MNDA: variants seen among roughly 807,000 people sequenced by gnomAD.
The protein encoded by MNDA is epididymis secretory sperm binding protein.
Under a neutral mutation model 37.8 loss-of-function variants are expected in MNDA, and 43 were observed. The observed-to-expected ratio is 1.14, with a 90% CI of 0.89 to 1.47. The LOEUF (loss-of-function observed/expected upper bound fraction) is 1.47, where lower values mean the gene tolerates loss of function less well. MNDA is among the 40% of genes most tolerant of loss of function. The pLI is 0.00. For missense variants in MNDA, 536 were observed against 476.0 expected (o/e 1.13, Z -1.17); for synonymous variants, 181 against 169.0 (o/e 1.07, Z -0.55).
In MNDA at chr1:158,839,007, T is replaced by G. The variant is rs1658977201; in HGVS notation, c.-20-3127T>G. Among the ~76,000 whole-genome samples, 3 of 152,332 alleles carry G rather than the reference T, an allele frequency of 2.0e-5. No homozygotes were observed. In the South Asian group the frequency reaches 6.2e-4, roughly 32 times the overall value. ...TTTTATTTAGTTGTCTCTACCTATTTTCCTTTAACTCATTTATCATATTTA... is the reference window on the plus strand; with the variant it reads ...TTTTATTTAGTTGTCTCTACCTATTGTCCTTTAACTCATTTATCATATTTA... On this transcript the variant is annotated intron_variant, in intron 1 of 6. Transcript: ENST00000368141.
At position 158,844,073 on chromosome 1, in the gene MNDA, C is replaced by A. The variant is rs1384779988; in HGVS notation, c.521C>A (p.Pro174Gln). Residue 174 changes from proline (P) to glutamine (Q), a missense_variant, in exon 4 of 7, where the codon CCA (proline) becomes CAA (glutamine). Transcript: ENST00000368141. ...ASTSAAVDHP[P>Q]LPQTSSSTPS... ...ACATCTGCAGCTGTGGATCATCCCC[C>A]ACTACCCCAGACCTCATCATCAACT... 1.2e-6 allele frequency: 2 copies of A among 1,613,134 alleles called. No individual in the cohort carries two copies. Among genetic ancestry groups the A allele is most frequent in the South Asian group, 2.2e-5 (2 of 90,974 alleles).
At chr1:158,847,622 T>C (rs1659160803) in intron 5 of MNDA, 106 bp from the exon 6 acceptor site, 2 of 1,052,920 alleles carry the variant, frequency 1.9e-6, no homozygotes, top group Non-Finnish European at 1.4e-6. Flanking sequence ...GATCTGTACC[T>C]GTCATTCCTG....
intron 4 of MNDA, among the ~76,000 whole-genome samples, chr1:158,844,823 C>T (rs1659101692): frequency 6.6e-6 from 1 of 152,016 alleles, no homozygotes; most frequent in East Asian, 1.9e-4. Flanking sequence ...ATTTTTAATG[C>T]TGTCCAAGTT....
intron 1 of MNDA, among the ~76,000 whole-genome samples, chr1:158,838,869 C>G (rs187397112): frequency 5.9e-5 from 9 of 152,214 alleles, no homozygotes; most frequent in Admixed American, 5.2e-4. Flanking sequence ...AGGAACCCCT[C>G]TAGTGGATTT....
rs772867227 is a variant in MNDA at position 158,843,367 on chromosome 1, A to C, written c.354A>C (p.Ala118=). The C allele has an allele frequency of 6.2e-7, 1 of 1,612,970 alleles. No individual in the cohort carries two copies. The highest frequency in any genetic ancestry group is 8.5e-7 in the Non-Finnish European group (1 of 1,179,494). ...GTCTTGCGGCACCTGCACCCACCGC[A>C]AGAAACAAACTGACATCGGAAGCAA... is the stretch of plus-strand genomic sequence containing the variant. ...EVGLAAPAPT[A]RNKLTSEARG... is the part of the protein sequence containing the mutation. Residue 118 remains alanine, a synonymous_variant, in exon 3 of 7, where the codon GCA becomes GCC. Coordinates refer to ENST00000368141, the MANE Select transcript of MNDA (RefSeq NM_002432.3).
intron 6 of MNDA, among the ~76,000 whole-genome samples, chr1:158,848,902 G>A (rs887803426): frequency 1.1e-4 from 16 of 151,992 alleles, no homozygotes; most frequent in South Asian, 4.1e-4. Context: ...GTTACAAATC[G>A]AAACTTTTAA....
At chr1:158,844,242 G>A (rs995145653) in intron 4 of MNDA, 120 bp downstream of exon 4, 3 of 1,060,144 alleles carry the variant, frequency 2.8e-6, no homozygotes, top group African/African-American at 3.2e-5. Context: ...TGGGAAAACT[G>A]TTTTCCATAT....
chr1:158,842,436 G>A lies in MNDA; in HGVS notation c.265+18G>A, dbSNP rs1659047731. ...GTCAAAAGGTAATAGAGAAAACCTTGCACATAGCTACTCTGCCTTGAGTCT... is the reference window on the plus strand; with the variant it reads ...GTCAAAAGGTAATAGAGAAAACCTTACACATAGCTACTCTGCCTTGAGTCT... On this transcript the variant is annotated intron_variant, in intron 2 of 6. Coordinates refer to ENST00000368141, the MANE Select transcript of MNDA (RefSeq NM_002432.3). The A allele has an allele frequency of 6.3e-7, 1 of 1,598,226 alleles. No homozygotes were observed. Among genetic ancestry groups the A allele is most frequent in the Non-Finnish European group, 8.5e-7 (1 of 1,173,060 alleles).
At chr1:158,845,242 G>A (rs1571659656) in intron 4 of MNDA, among the ~76,000 whole-genome samples, 1 of 141,162 alleles carries the variant, frequency 7.1e-6, no homozygotes, top group East Asian at 2.1e-4. Flanking sequence ...TTGTTTGTTT[G>A]TTTGTTTGTT....
intron 1 of MNDA, among the ~76,000 whole-genome samples, chr1:158,841,850 A>G (rs572063105): frequency 3.9e-5 from 6 of 152,224 alleles, no homozygotes; most frequent in Non-Finnish European, 5.9e-5. Context: ...CACAAAACCC[A>G]TACTATAAAT....
chr1:158,843,852 T>C, intron 3 of MNDA, 103 bp from the exon 4 acceptor site: 1 of 1,036,064 alleles, frequency 9.7e-7, no homozygotes, highest in Non-Finnish European at 1.4e-6. Flanking sequence ...GGACATCCCA[T>C]CCAACATAAA....
chr1:158,844,558 C>T (rs1431119023), intron 4 of MNDA, among the ~76,000 whole-genome samples: 4 of 150,464 alleles, frequency 2.7e-5, no homozygotes, highest in South Asian at 4.2e-4. Flanking sequence ...TTGTTGTTAG[C>T]ATTTTAGCCA....
intron 1 of MNDA, among the ~76,000 whole-genome samples, chr1:158,838,419 C>G (rs1300787346): frequency 6.6e-6 from 1 of 152,070 alleles, no homozygotes; most frequent in Non-Finnish European, 1.5e-5. Flanking sequence ...ACCTTCTGGT[C>G]TACAAAGTAT....
intron 1 of MNDA, among the ~76,000 whole-genome samples, chr1:158,835,311 A>C (rs1306154356): frequency 6.6e-6 from 1 of 152,134 alleles, no homozygotes; most frequent in Admixed American, 6.5e-5. Flanking sequence ...AGTGTTGTAT[A>C]ATTTACCACC....
Position 158,831,482 on chromosome 1 carries a change from GGACAGTGATTCTGTCCTAAACAA to G in MNDA, c.-87_-65del, listed in dbSNP as rs1222650781. On this transcript the variant is annotated 5_prime_UTR_variant, in exon 1 of 7. Coordinates refer to ENST00000368141, the MANE Select transcript of MNDA (RefSeq NM_002432.3). ...CAGTTTAATCTCTCCAAAGCTTTACGGACAGTGATTCTGTCCTAAACAAGACAGTGACTCCAGGATTTCTGAAG... is the reference window on the plus strand; with the variant it reads ...CAGTTTAATCTCTCCAAAGCTTTACGGACAGTGACTCCAGGATTTCTGAAG... 1 of 152,050 alleles carries G rather than the reference GGACAGTGATTCTGTCCTAAACAA, an allele frequency of 6.6e-6. No homozygotes were observed. The highest frequency in any genetic ancestry group is 1.5e-5 in the Non-Finnish European group (1 of 67,994). The allele number at this position is 152,050 out of a possible 1,614,324, so 9.4% of individuals were successfully genotyped here.
intron 5 of MNDA, among the ~76,000 whole-genome samples, chr1:158,847,405 G>A (rs1659155220): frequency 6.6e-6 from 1 of 152,102 alleles, no homozygotes; most frequent in South Asian, 2.1e-4. Flanking sequence ...ACAGGACCAT[G>A]AGCCAAGAAG....
chr1:158,847,691 A>AT, intron 5 of MNDA, 37 bp from the exon 6 acceptor site: 5 of 1,578,956 alleles, frequency 3.2e-6, no homozygotes, highest in Non-Finnish European at 4.3e-6. Flanking sequence ...GATACTAACA[A>AT]TCCTCTCAGA....
At chr1:158,841,425 G>C (rs1347353611) in intron 1 of MNDA, among the ~76,000 whole-genome samples, 3 of 152,162 alleles carry the variant, frequency 2.0e-5, no homozygotes, top group African/African-American at 7.2e-5. Flanking sequence ...GTAAAAGTAA[G>C]ACTAGTTGGA....
chr1:158,837,204 T>C (rs1012719616), intron 1 of MNDA, among the ~76,000 whole-genome samples: 3 of 151,900 alleles, frequency 2.0e-5, no homozygotes, highest in Admixed American at 1.3e-4. Flanking sequence ...GATATATCTG[T>C]TAGATATAAT....
Sources: allele counts gnomAD v4.1 joint callset (sites outside exome capture counted in the v4.1 genomes callset), GRCh38; gene constraint gnomAD v4.1.1; transcripts MANE v1.5; gene names NCBI Gene and HGNC (gene_info 2026-07-23, HGNC 2026-07-21).